TAF4: variants seen among roughly 807,000 people sequenced by gnomAD.
TAF4 encodes TATA-box binding protein associated factor 4.
Under a neutral mutation model 90.3 loss-of-function variants are expected in TAF4, and 9 were observed. The observed-to-expected ratio is 0.10, with a 90% CI of 0.06 to 0.17. The LOEUF (loss-of-function observed/expected upper bound fraction) is 0.17. Ranked by LOEUF, TAF4 falls within the 10% of genes least tolerant of loss-of-function variation. TAF4 has a pLI of 1.00. For missense variants in TAF4, 1,351 were observed against 1,370.7 expected, an observed-to-expected ratio of 0.99 and a Z score of 0.23; for synonymous variants, 818 against 638.9, an observed-to-expected ratio of 1.28 and a Z score of -4.23.
intron 9 of TAF4, 36 bp from the exon 10 acceptor site, chr20:62,000,757 A>G (rs1340611047): frequency 6.2e-7 from 1 of 1,610,238 alleles, no homozygotes; most frequent in Admixed American, 1.7e-5. Context: ...TTAACTGTAC[A>G]AGGAATTCAT....
intron 2 of TAF4, among the ~76,000 whole-genome samples, chr20:62,013,911 GT>G (rs2055795066): frequency 3.3e-5 from 3 of 90,778 alleles, no homozygotes; most frequent in Admixed American, 9.9e-5. Flanking sequence ...ACGCGGGTGT[GT>G]GTGTGTGTGT....
chr20:61,991,496 G>A (rs1308511123), intron 14 of TAF4, among the ~76,000 whole-genome samples: 1 of 151,920 alleles, frequency 6.6e-6, no homozygotes, highest in Non-Finnish European at 1.5e-5. Flanking sequence ...CATTTAGGGA[G>A]GCCAATGTGG....
intron 14 of TAF4, among the ~76,000 whole-genome samples, chr20:61,986,125 C>T (rs1467602803): frequency 8.1e-6 from 1 of 123,586 alleles, no homozygotes; most frequent in African/African-American, 3.2e-5. Context: ...AAAGGAAACA[C>T]CATCCCCAAT....
At chr20:62,037,171 G>C (rs1316481445) in intron 1 of TAF4, among the ~76,000 whole-genome samples, 1 of 105,650 alleles carries the variant, frequency 9.5e-6, no homozygotes. Context: ...TGCGTCATGA[G>C]AGAAGACAGA....
At position 62,016,407 on chromosome 20, in the gene TAF4, G is replaced by A. The variant is rs1284813316; in HGVS notation, c.1361-1700C>T. Reference sequence around the variant, plus strand: ...GGGCACCATCTAATCAGCTGCCAGCGTGGCTAGAATAAAGCAGGCAGAGGA... The same window carrying A: ...GGGCACCATCTAATCAGCTGCCAGCATGGCTAGAATAAAGCAGGCAGAGGA... On this transcript the variant is annotated intron_variant, in intron 1 of 14. Transcript: ENST00000252996. Among the ~76,000 whole-genome samples, 5 of 152,234 alleles carry A rather than the reference G, an allele frequency of 3.3e-5. 1 individual carries two copies. The South Asian group carries it at 6.2e-4, about 19-fold the overall frequency.
Position 61,975,227 on chromosome 20 carries a change from C to CTGT in TAF4, c.*940_*941insACA, listed in dbSNP as rs2055485616. 6.6e-6 allele frequency: 1 copy of CTGT among 152,388 alleles called. No individual in the cohort carries two copies. Among genetic ancestry groups the CTGT allele is most frequent in the Non-Finnish European group, 1.5e-5 (1 of 68,024 alleles). The allele number at this position is 152,388 out of a possible 1,614,324, so 9.4% of individuals were successfully genotyped here. A position where few individuals can be genotyped will look rare whatever the true frequency, so the allele number is the denominator to read the frequency against. ...GTAAAGTCGGCCCAAGGCTTGCATA[C>CTGT]AGTCTCTTAGCAAAATAATTATAGT... is the stretch of plus-strand genomic sequence containing the variant. On this transcript the variant is annotated 3_prime_UTR_variant, in exon 15 of 15. Coordinates refer to ENST00000252996, the MANE Select transcript of TAF4 (RefSeq NM_003185.4).
chr20:62,024,893 T>C (rs968991970), intron 1 of TAF4, among the ~76,000 whole-genome samples: 3 of 149,060 alleles, frequency 2.0e-5, no homozygotes, highest in Admixed American at 6.7e-5. Flanking sequence ...AAGTGGGCAA[T>C]TGAATAGACC....
chr20:62,016,608 G>A lies in TAF4; in HGVS notation c.1361-1901C>T, dbSNP rs189569451. On this transcript the variant is annotated intron_variant, in intron 1 of 14. Transcript: ENST00000252996. ...GCCACAGACTGAAGGCTGCACTGTC[G>A]GCTTCCCTACTTTTGAGATCTGGGG... Among the ~76,000 whole-genome samples, 57 of 152,274 alleles carry A rather than the reference G, an allele frequency of 3.7e-4. No individual in the cohort carries two copies. The East Asian group carries it at 9.5e-3, about 25-fold the overall frequency.
At position 62,064,672 on chromosome 20, in the gene TAF4, T is replaced by C. The variant is rs901209655; in HGVS notation, c.1139A>G (p.Gln380Arg). 3.9e-6 allele frequency: 5 copies of C among 1,280,508 alleles called. No individual in the cohort carries two copies. Among genetic ancestry groups the C allele is most frequent in the Non-Finnish European group, 4.9e-6 (5 of 1,020,470 alleles). The allele number at this position is 1,280,508 out of a possible 1,614,324, so 79.3% of individuals were successfully genotyped here. A position where few individuals can be genotyped will look rare whatever the true frequency, so the allele number is the denominator to read the frequency against. ...GGCGGCCGGGCTGGGCAGCGCCCCT[T>C]GCATAGTTGGCCCGATGACCATGCT... ...AASMVIGPTMQGALPSPAAVP... is the reference protein window; with the variant it reads ...AASMVIGPTMRGALPSPAAVP... The change falls in exon 1 of 15, where the codon CAA becomes CGA. Residue 380 changes from glutamine to arginine, a missense_variant. Coordinates refer to ENST00000252996, the MANE Select transcript of TAF4 (RefSeq NM_003185.4).
chr20:62,002,729 A>G (rs1266737463), intron 9 of TAF4, among the ~76,000 whole-genome samples: 1 of 152,188 alleles, frequency 6.6e-6, no homozygotes, highest in Non-Finnish European at 1.5e-5. Context: ...TCCCGGGCTC[A>G]AGCGATTCTC....
Position 62,009,172 on chromosome 20 carries a change from T to G in TAF4, c.1764A>C (p.Glu588Asp), listed in dbSNP as rs1003633490. The G allele has an allele frequency of 6.2e-7, 1 of 1,605,124 alleles. No individual in the cohort carries two copies. The highest frequency in any genetic ancestry group is 8.5e-7 in the Non-Finnish European group (1 of 1,177,484). The change falls in exon 5 of 15, where the codon GAA becomes GAC. Residue 588 changes from glutamate to aspartate, a missense_variant and splice_region_variant. Around this residue, in one of 9 missense-constraint regions of TAF4, gnomAD observed 44 missense variants for 97.4 expected, o/e 0.45. Transcript: ENST00000252996. ...TACATTTCTTCACGTTTTCCATAGT[T>G]TCCTGGATTAAAGTAAAAAGATATA... ...GATTTSSAAT[E>D]TMENVKKCKN...
intron 1 of TAF4, among the ~76,000 whole-genome samples, chr20:62,020,019 G>A (rs922844944): frequency 2.0e-5 from 3 of 152,232 alleles, no homozygotes; most frequent in African/African-American, 4.8e-5. Context: ...CTACCTCTTG[G>A]CCCTGCACCA....
At chr20:62,016,687 A>C (rs950033911) in intron 1 of TAF4, among the ~76,000 whole-genome samples, 1 of 152,128 alleles carries the variant, frequency 6.6e-6, no homozygotes, top group African/African-American at 2.4e-5. Context: ...GAGGGACTTC[A>C]CCTTGTGATC....
intron 1 of TAF4, among the ~76,000 whole-genome samples, chr20:62,046,088 A>G (rs751733230): frequency 1.4e-4 from 22 of 152,262 alleles, no homozygotes; most frequent in Non-Finnish European, 2.4e-4. Context: ...AGCAGACGGC[A>G]GACATTGGGA....
At chr20:62,027,291 G>A (rs756274998) in intron 1 of TAF4, among the ~76,000 whole-genome samples, 1 of 152,140 alleles carries the variant, frequency 6.6e-6, no homozygotes, top group Non-Finnish European at 1.5e-5. Context: ...AACCCTAAAC[G>A]GGCACTGTGA....
At chr20:62,022,171 G>C (rs2055847693) in intron 1 of TAF4, among the ~76,000 whole-genome samples, 1 of 152,228 alleles carries the variant, frequency 6.6e-6, no homozygotes, top group South Asian at 2.1e-4. Context: ...TGTGCAGTCA[G>C]GAGGTGGGTG....
At position 62,000,236 on chromosome 20, in the gene TAF4, G is replaced by A. The variant is rs377377610; in HGVS notation, c.2675C>T (p.Thr892Met). The A allele has an allele frequency of 5.6e-6, 9 of 1,613,700 alleles. No homozygotes were observed. The highest frequency in any genetic ancestry group is 4.4e-5 in the South Asian group (4 of 91,026). ...ACTTACTACATCTGGATGTAATTCCGTTATACCATGTTTTTTACCTAAAGG... is the reference window on the plus strand; with the variant it reads ...ACTTACTACATCTGGATGTAATTCCATTATACCATGTTTTTTACCTAAAGG... ...ILEIGKKHGI[T>M]ELHPDVVSYV... is the part of the protein sequence containing the mutation. Residue 892 changes from threonine to methionine, a missense_variant, in exon 11 of 15, where the codon ACG (threonine) becomes ATG (methionine). By Grantham distance (81) the Thr-to-Met change is moderately conservative. This residue lies in a region of TAF4 where 95 missense variants were observed against 151.3 expected (regional missense o/e 0.63). Transcript: ENST00000252996.
At chr20:61,977,379 C>T (rs778118963) in intron 14 of TAF4, among the ~76,000 whole-genome samples, 3 of 152,202 alleles carry the variant, frequency 2.0e-5, no homozygotes, top group Non-Finnish European at 4.4e-5. Context: ...ACAAAGATTA[C>T]GATGGCATCT....
intron 1 of TAF4, among the ~76,000 whole-genome samples, chr20:62,059,953 A>G (rs891229479): frequency 3.3e-5 from 5 of 152,370 alleles, no homozygotes; most frequent in African/African-American, 1.2e-4. Context: ...GAAAACTCAC[A>G]TTATACAGTA....
Sources: allele counts gnomAD v4.1 joint callset (sites outside exome capture counted in the v4.1 genomes callset), GRCh38; gene constraint gnomAD v4.1.1; regional missense constraint gnomAD v4.1.1; transcripts MANE v1.5; gene names NCBI Gene and HGNC (gene_info 2026-07-23, HGNC 2026-07-21).